The following METTL15 variants were observed in gnomAD, a reference collection of about 807,000 sequenced individuals.
METTL15 encodes methyltransferase 15, mitochondrial 12S rRNA N4-cytidine, also known as 12S rRNA N(4)-cytidine methyltransferase METTL15.
A neutral mutation model predicts 38.3 loss-of-function variants in METTL15; 34 were observed. That is an observed-to-expected ratio of 0.89 (90% CI 0.68 to 1.18). METTL15 has a LOEUF of 1.18. METTL15 is among the 50% of genes most tolerant of loss of function. The pLI, the probability that METTL15 is intolerant of heterozygous loss-of-function variation, is 0.00. For missense variants in METTL15, 438 were observed against 498.4 expected, an observed-to-expected ratio of 0.88 and a Z score of 1.15; for synonymous variants, 162 against 170.9, an observed-to-expected ratio of 0.95 and a Z score of 0.41.
At chr11:28,268,245 A>G (rs1364629243) in intron 4 of METTL15, among the ~76,000 whole-genome samples, 4 of 149,672 alleles carry the variant, frequency 2.7e-5, no homozygotes, top group African/African-American at 4.9e-5. Flanking sequence ...CTATTTTAGT[A>G]TAGAAATAAT....
chr11:28,261,856 A>G (rs1855216910), intron 4 of METTL15, among the ~76,000 whole-genome samples: 2 of 152,170 alleles, frequency 1.3e-5, no homozygotes, highest in South Asian at 4.1e-4. Flanking sequence ...AATGTTCTTA[A>G]CACTTTGCAA....
chr11:28,189,599 A>C (rs1245214406), intron 3 of METTL15, among the ~76,000 whole-genome samples: 1 of 151,236 alleles, frequency 6.6e-6, no homozygotes, highest in Non-Finnish European at 1.5e-5. Context: ...GTAGTAAATA[A>C]CACAGGCCAG....
intron 3 of METTL15, among the ~76,000 whole-genome samples, chr11:28,339,088 A>G (rs930973732): frequency 1.9e-4 from 29 of 152,136 alleles, no homozygotes; most frequent in African/African-American, 6.3e-4. Flanking sequence ...TCAGTTTTAA[A>G]TCATCTTAGC....
chr11:28,509,661 T>C (rs138211854), intron 6 of METTL15, among the ~76,000 whole-genome samples: 1 of 152,320 alleles, frequency 6.6e-6, no homozygotes, highest in Non-Finnish European at 1.5e-5. Flanking sequence ...TTTACCTCTC[T>C]GGGCTTTTGC....
At chr11:28,417,230 G>A (rs1423667863) in intron 5 of METTL15, among the ~76,000 whole-genome samples, 2 of 152,166 alleles carry the variant, frequency 1.3e-5, no homozygotes, top group African/African-American at 2.4e-5. Context: ...GGCATAAAAA[G>A]CATTCCATCC....
At chr11:28,217,461 C>T (rs1007278359) in intron 4 of METTL15, among the ~76,000 whole-genome samples, 1 of 152,034 alleles carries the variant, frequency 6.6e-6, no homozygotes, top group African/African-American at 2.4e-5. Context: ...GATATTAGCC[C>T]TTTGTCAGAT....
chr11:28,371,245 G>T (rs1348425845), intron 5 of METTL15, among the ~76,000 whole-genome samples: 4 of 151,930 alleles, frequency 2.6e-5, no homozygotes, highest in Non-Finnish European at 4.4e-5. Flanking sequence ...TTCTGCTTAT[G>T]GTTATCCAGT....
intron 5 of METTL15, among the ~76,000 whole-genome samples, chr11:28,377,999 A>G (rs1178587846): frequency 2.0e-5 from 3 of 152,270 alleles, no homozygotes; most frequent in East Asian, 3.9e-4. Context: ...CACTTGAGGA[A>G]GCAGTCTGCC....
chr11:28,420,305 C>A (rs957481063), intron 5 of METTL15, among the ~76,000 whole-genome samples: 1 of 152,144 alleles, frequency 6.6e-6, no homozygotes, highest in African/African-American at 2.4e-5. Flanking sequence ...CAGCACTGGA[C>A]AGATCTTCCA....
chr11:28,458,195 TA>T (rs1851186067), intron 6 of METTL15, among the ~76,000 whole-genome samples: 3 of 152,222 alleles, frequency 2.0e-5, no homozygotes, highest in Admixed American at 2.0e-4. Context: ...GTTACATTTT[TA>T]TGGAGCCTCA....
intron 4 of METTL15, among the ~76,000 whole-genome samples, chr11:28,271,570 C>A (rs10835302): frequency 0.06 from 9,072 of 152,116 alleles, 599 homozygotes; most frequent in East Asian, 0.36. Flanking sequence ...TTTTATTTCC[C>A]ACTGTCTTCT....
chr11:28,343,037 A>T (rs1849966813), intron 3 of METTL15, among the ~76,000 whole-genome samples: 1 of 152,170 alleles, frequency 6.6e-6, no homozygotes, highest in African/African-American at 2.4e-5. Flanking sequence ...ATTCTTTATG[A>T]TTCTGCTTTT....
chr11:28,337,237 T>C (rs1849908769), downstream of METTL15, among the ~76,000 whole-genome samples: 1 of 152,146 alleles, frequency 6.6e-6, no homozygotes, highest in African/African-American at 2.4e-5. Flanking sequence ...TAGTTTATTA[T>C]TGAAGAAATA....
At chr11:28,137,697 T>G (rs1336327621) in intron 3 of METTL15, among the ~76,000 whole-genome samples, 1 of 152,218 alleles carries the variant, frequency 6.6e-6, no homozygotes, top group Non-Finnish European at 1.5e-5. Flanking sequence ...ATTTACATTT[T>G]GAAGACATTT....
intron 3 of METTL15, among the ~76,000 whole-genome samples, chr11:28,135,458 A>T (rs891677203): frequency 1.3e-5 from 2 of 152,158 alleles, no homozygotes; most frequent in Non-Finnish European, 2.9e-5. Flanking sequence ...CCTGTGAGAA[A>T]GTGATATTCT....
chr11:28,485,192 A>C (rs990233041), intron 6 of METTL15, among the ~76,000 whole-genome samples: 1 of 151,948 alleles, frequency 6.6e-6, no homozygotes, highest in African/African-American at 2.4e-5. Flanking sequence ...TCAGCTGTTT[A>C]TTTGAAGGAA....
At chr11:28,375,152 C>G (rs1436670249) in intron 5 of METTL15, among the ~76,000 whole-genome samples, 1 of 146,308 alleles carries the variant, frequency 6.8e-6, no homozygotes, top group Non-Finnish European at 1.5e-5. Context: ...CTCTGCCCGG[C>G]TTTGGTATCA....
At chr11:28,123,596 T>C (rs1048295508) in intron 3 of METTL15, among the ~76,000 whole-genome samples, 29 of 152,110 alleles carry the variant, frequency 1.9e-4, no homozygotes, top group Non-Finnish European at 3.8e-4. Context: ...CATTTAAATG[T>C]TTTATTTTTC....
chr11:28,148,690 C>T (rs1849973339), intron 3 of METTL15, among the ~76,000 whole-genome samples: 1 of 151,880 alleles, frequency 6.6e-6, no homozygotes, highest in Admixed American at 6.6e-5. Context: ...CCGATTGTCA[C>T]AGTAGTTTAT....
Sources: gnomAD v4.1 joint callset for allele counts (sites outside exome capture counted in the v4.1 genomes callset) on GRCh38, gnomAD v4.1.1 for gene constraint, MANE v1.5 for transcripts, NCBI Gene and HGNC (gene_info 2026-07-23, HGNC 2026-07-21) for gene names.